The following CDH13 variants were observed in gnomAD, a reference collection of about 807,000 sequenced individuals.
CDH13 encodes the protein cadherin 13, also known as cadherin-13.
A neutral mutation model predicts 63.8 loss-of-function variants in CDH13; 24 were observed. The observed-to-expected ratio is 0.38, with a 90% CI of 0.27 to 0.53. The LOEUF is 0.53. Ranked by LOEUF, CDH13 falls within the 20% of genes least tolerant of loss-of-function variation. The pLI is 0.85. For synonymous variants in CDH13, 503 were observed against 355.3 expected (o/e 1.42, Z -4.67); for missense variants, 1,049 against 903.1 (o/e 1.16, Z -2.07).
chr16:83,105,336 C>T (rs536748306), intron 3 of CDH13, among the ~76,000 whole-genome samples: 1 of 152,336 alleles, frequency 6.6e-6, no homozygotes, highest in South Asian at 2.1e-4. Flanking sequence ...AATCCAGTGA[C>T]ATCCACCATC....
At chr16:83,561,089 G>C (rs1020647587) in intron 7 of CDH13, among the ~76,000 whole-genome samples, 1 of 152,112 alleles carries the variant, frequency 6.6e-6, no homozygotes, top group Non-Finnish European at 1.5e-5. Flanking sequence ...AACCATTTTT[G>C]TTTGGATGTT....
chr16:83,590,514 T>C (rs549739823), intron 7 of CDH13, among the ~76,000 whole-genome samples: 103 of 152,144 alleles, frequency 6.8e-4, no homozygotes, highest in African/African-American at 2.4e-3. Flanking sequence ...AGGGAGAGCA[T>C]CTAGTGGAGA....
intron 1 of CDH13, among the ~76,000 whole-genome samples, chr16:82,645,301 C>T (rs1373011941): frequency 1.3e-5 from 2 of 152,174 alleles, no homozygotes; most frequent in African/African-American, 4.8e-5. Flanking sequence ...ACTGGGTTTT[C>T]AACTCCATCC....
intron 4 of CDH13, among the ~76,000 whole-genome samples, chr16:83,200,597 C>T (rs567939195): frequency 6.6e-6 from 1 of 152,314 alleles, no homozygotes; most frequent in South Asian, 2.1e-4. Context: ...TCATCACCTA[C>T]AAAGCAGGTA....
chr16:83,540,746 G>A (rs1049104763), intron 7 of CDH13, among the ~76,000 whole-genome samples: 14 of 152,088 alleles, frequency 9.2e-5, no homozygotes, highest in African/African-American at 2.7e-4. Context: ...TAGTAATTGC[G>A]GCAGTCAGCC....
chr16:83,359,627 G>C (rs1424264492), intron 6 of CDH13, among the ~76,000 whole-genome samples: 1 of 152,094 alleles, frequency 6.6e-6, no homozygotes, highest in East Asian at 1.9e-4. Flanking sequence ...TTTGAATTGG[G>C]CACATTCGAA....
At chr16:82,741,027 T>C (rs1007904392) in intron 1 of CDH13, among the ~76,000 whole-genome samples, 1 of 152,162 alleles carries the variant, frequency 6.6e-6, no homozygotes, top group Non-Finnish European at 1.5e-5. Flanking sequence ...AAGTATTTTA[T>C]AGTTAACCTT....
intron 8 of CDH13, among the ~76,000 whole-genome samples, chr16:83,606,132 G>A (rs1908307627): frequency 6.6e-6 from 1 of 152,150 alleles, no homozygotes; most frequent in East Asian, 1.9e-4. Context: ...TGAAAATCAA[G>A]GTTTAGTCAT....
intron 10 of CDH13, chr16:83,710,130 T>C (rs441078): frequency 0.28 from 42,756 of 152,128 alleles, 6,421 homozygotes; most frequent in Middle Eastern, 0.46. Flanking sequence ...GGTAAAGTTC[T>C]CACAATGCAC....
chr16:83,660,403 A>G (rs750379696), intron 8 of CDH13, among the ~76,000 whole-genome samples: 4 of 152,072 alleles, frequency 2.6e-5, no homozygotes, highest in Non-Finnish European at 5.9e-5. Flanking sequence ...GCAGTTCACT[A>G]TAGGGTTTGT....
chr16:82,948,499 T>C (rs1425495168), intron 2 of CDH13, among the ~76,000 whole-genome samples: 1 of 152,182 alleles, frequency 6.6e-6, no homozygotes, highest in Non-Finnish European at 1.5e-5. Context: ...AGAAGAATTA[T>C]TTTTAGAACA....
At chr16:83,019,506 T>C (rs1915137523) in intron 2 of CDH13, among the ~76,000 whole-genome samples, 1 of 150,796 alleles carries the variant, frequency 6.6e-6, no homozygotes, top group Non-Finnish European at 1.5e-5. Context: ...TTTTTTTTTT[T>C]TTTTTTTGAG....
At chr16:82,811,540 A>G (rs944851590) in intron 1 of CDH13, among the ~76,000 whole-genome samples, 1 of 152,224 alleles carries the variant, frequency 6.6e-6, no homozygotes. Context: ...TCATAGTTGA[A>G]GAACCTGCTT....
At chr16:83,108,787 C>G (rs772402995) in intron 3 of CDH13, among the ~76,000 whole-genome samples, 1 of 152,142 alleles carries the variant, frequency 6.6e-6, no homozygotes, top group Non-Finnish European at 1.5e-5. Flanking sequence ...TGCCTTATCA[C>G]AAGCCTAGAG....
In CDH13 at chr16:82,646,048, C is replaced by A. The variant is rs1597208547; in HGVS notation, c.45+18911C>A. On this transcript the variant is annotated intron_variant, in intron 1 of 13. Coordinates refer to ENST00000567109, the MANE Select transcript of CDH13 (RefSeq NM_001257.5). ...GTGGTGACTTCACAAAGTCTGGGAT[C>A]TTCAAGAGCAAACAATGAGATGAAC... 3.3e-5 allele frequency among the ~76,000 whole-genome samples: 5 copies of A among 152,240 alleles called. No individual in the cohort carries two copies. The South Asian group carries it at 1.0e-3, about 31-fold the overall frequency.
chr16:83,075,055 C>T (rs1190167740), intron 3 of CDH13, among the ~76,000 whole-genome samples: 1 of 152,134 alleles, frequency 6.6e-6, no homozygotes, highest in Admixed American at 6.6e-5. Context: ...AGATAAACAT[C>T]CTTGGGTCCA....
chr16:83,196,379 G>T (rs1396105123), intron 4 of CDH13, among the ~76,000 whole-genome samples: 1 of 152,180 alleles, frequency 6.6e-6, no homozygotes, highest in African/African-American at 2.4e-5. Context: ...AGGCTAGGCA[G>T]AGTTCTTATA....
At chr16:82,725,602 T>C (rs1215716850) in intron 1 of CDH13, among the ~76,000 whole-genome samples, 1 of 152,214 alleles carries the variant, frequency 6.6e-6, no homozygotes, top group Non-Finnish European at 1.5e-5. Context: ...TAATGAATGC[T>C]AGATATCCTC....
chr16:82,752,483 T>A (rs977302051), intron 1 of CDH13, among the ~76,000 whole-genome samples: 4 of 152,248 alleles, frequency 2.6e-5, no homozygotes, highest in East Asian at 1.9e-4. Flanking sequence ...TTTGAACAGA[T>A]GCCTGTACAG....
Sources: gnomAD v4.1 joint callset for allele counts (sites outside exome capture counted in the v4.1 genomes callset) on GRCh38, gnomAD v4.1.1 for gene constraint, MANE v1.5 for transcripts, NCBI Gene and HGNC (gene_info 2026-07-23, HGNC 2026-07-21) for gene names.